FRMD4B: variants seen among roughly 807,000 people sequenced by gnomAD.
FRMD4B encodes FERM domain-containing protein 4B.
A neutral mutation model predicts 141.5 loss-of-function variants in FRMD4B; 74 were observed. That is an observed-to-expected ratio of 0.52 (90% CI 0.43 to 0.63). The LOEUF is 0.63. FRMD4B is among the 30% of genes least tolerant of loss of function. FRMD4B has a pLI of 0.00. For missense variants in FRMD4B, 1,366 were observed against 1,253.4 expected (o/e 1.09, Z -1.36); for synonymous variants, 506 against 467.9 (o/e 1.08, Z -1.05).
intron 4 of FRMD4B, among the ~76,000 whole-genome samples, chr3:69,294,746 G>A (rs1285978545): frequency 3.9e-5 from 6 of 152,290 alleles, no homozygotes; most frequent in Admixed American, 3.3e-4. Flanking sequence ...GAAGTGTCAG[G>A]GGCATGTGAA....
chr3:69,505,555 AG>A (rs1706582160), intron 1 of FRMD4B, among the ~76,000 whole-genome samples: 1 of 152,224 alleles, frequency 6.6e-6, no homozygotes, highest in African/African-American at 2.4e-5. Flanking sequence ...CCTTGTAAGT[AG>A]GTGTTTCTAC....
At chr3:69,350,765 A>G (rs1002299343) in intron 1 of FRMD4B, among the ~76,000 whole-genome samples, 7 of 143,100 alleles carry the variant, frequency 4.9e-5, no homozygotes, top group African/African-American at 1.8e-4. Flanking sequence ...ACAGGTGGGA[A>G]TTGAACAATG....
chr3:69,539,455 T>G (rs149961570), intron 1 of FRMD4B, among the ~76,000 whole-genome samples: 1 of 152,336 alleles, frequency 6.6e-6, no homozygotes, highest in African/African-American at 2.4e-5. Flanking sequence ...ATCTGCCTGT[T>G]TGAAAAGCCC....
intron 2 of FRMD4B, among the ~76,000 whole-genome samples, chr3:69,408,836 A>T (rs565884063): frequency 6.6e-6 from 1 of 152,242 alleles, no homozygotes; most frequent in South Asian, 2.1e-4. Flanking sequence ...CTCACTCCCA[A>T]GTTGCACCTG....
intron 3 of FRMD4B, among the ~76,000 whole-genome samples, chr3:69,307,838 A>G (rs773028644): frequency 6.6e-6 from 1 of 152,016 alleles, no homozygotes; most frequent in African/African-American, 2.4e-5. Flanking sequence ...CCTCCTCCCT[A>G]TAACATCCTT....
At chr3:69,199,063 G>A (rs986552717) in intron 11 of FRMD4B, 8 of 296,970 alleles carry the variant, frequency 2.7e-5, no homozygotes, top group Non-Finnish European at 4.5e-5. Context: ...GAGGTCAGGA[G>A]ATCGAGACCA....
intron 18 of FRMD4B, among the ~76,000 whole-genome samples, chr3:69,188,518 G>A (rs569738665): frequency 4.3e-4 from 66 of 152,122 alleles, no homozygotes; most frequent in African/African-American, 1.6e-3. Flanking sequence ...AGCACTTTGG[G>A]AGGCCGAGGC....
intron 1 of FRMD4B, among the ~76,000 whole-genome samples, chr3:69,437,022 A>G (rs1705270733): frequency 6.6e-6 from 1 of 152,180 alleles, no homozygotes; most frequent in Admixed American, 6.5e-5. Context: ...ATAGAGTTTC[A>G]GTTCAGGATG....
intron 1 of FRMD4B, among the ~76,000 whole-genome samples, chr3:69,379,523 C>T (rs1704060421): frequency 6.6e-6 from 1 of 152,232 alleles, no homozygotes; most frequent in Non-Finnish European, 1.5e-5. Flanking sequence ...AAGTGACCTG[C>T]CCGCCTTGGC....
chr3:69,493,224 G>A (rs890087393), intron 1 of FRMD4B, among the ~76,000 whole-genome samples: 6 of 152,226 alleles, frequency 3.9e-5, no homozygotes, highest in Non-Finnish European at 8.8e-5. Flanking sequence ...ATCAAATTAA[G>A]AGGGGAGAGT....
chr3:69,239,953 T>A (rs1268511508), intron 7 of FRMD4B, among the ~76,000 whole-genome samples: 1 of 151,896 alleles, frequency 6.6e-6, no homozygotes, highest in Non-Finnish European at 1.5e-5. Context: ...TTCAGGAGGC[T>A]GAGGCAGGAG....
At chr3:69,311,818 T>A (rs1281479215) in intron 2 of FRMD4B, among the ~76,000 whole-genome samples, 2 of 151,768 alleles carry the variant, frequency 1.3e-5, no homozygotes, top group East Asian at 1.9e-4. Flanking sequence ...GATGAAAATA[T>A]TAATAATAAT....
At chr3:69,306,000 C>G (rs1309174268) in intron 3 of FRMD4B, among the ~76,000 whole-genome samples, 3 of 152,086 alleles carry the variant, frequency 2.0e-5, no homozygotes, top group African/African-American at 7.2e-5. Context: ...GGAAAGTAAT[C>G]AAAAGGGACT....
intron 1 of FRMD4B, among the ~76,000 whole-genome samples, chr3:69,455,583 GAA>G (rs1705588451): frequency 1.3e-5 from 2 of 152,250 alleles, no homozygotes; most frequent in South Asian, 4.2e-4. Flanking sequence ...ACATCAGAAG[GAA>G]CAAACCCTGG....
rs577537417 is a variant in FRMD4B at position 69,303,075 on chromosome 3, C to G, written c.324-640G>C. Among the ~76,000 whole-genome samples, 215 of 133,084 alleles carry G rather than the reference C, an allele frequency of 1.6e-3. 2 individuals carry two copies. The highest frequency in any genetic ancestry group is 3.1e-3 in the Non-Finnish European group (181 of 57,520). 87.3% of individuals were successfully genotyped at this position (133,084 alleles called of 152,430 possible). A position where few individuals can be genotyped will look rare whatever the true frequency, so the allele number is the denominator to read the frequency against. ...GGCAACATCCCCTGTTAGAGTGAAA[C>G]TCTGTCTAAAAAATAAACAAACAAA... On this transcript the variant is annotated intron_variant, in intron 3 of 22. Transcript: ENST00000398540.
chr3:69,412,813 C>T (rs11920394), intron 2 of FRMD4B, among the ~76,000 whole-genome samples: 4,751 of 144,152 alleles, frequency 0.033, 220 homozygotes, highest in African/African-American at 0.1. Flanking sequence ...CAGAGGAGAC[C>T]TAAGAGAATT....
At chr3:69,209,831 C>T (rs1292349023) in intron 11 of FRMD4B, among the ~76,000 whole-genome samples, 1 of 152,184 alleles carries the variant, frequency 6.6e-6, no homozygotes, top group African/African-American at 2.4e-5. Flanking sequence ...GTTCTCTTCT[C>T]CTACAGTTAA....
At chr3:69,473,790 C>G (rs181953250) in intron 1 of FRMD4B, among the ~76,000 whole-genome samples, 5 of 152,078 alleles carry the variant, frequency 3.3e-5, no homozygotes, top group Non-Finnish European at 5.9e-5. Flanking sequence ...TAGCTTTGGG[C>G]AAGGGGTTGA....
chr3:69,265,401 C>G (rs1432357507), intron 5 of FRMD4B, among the ~76,000 whole-genome samples: 8 of 142,266 alleles, frequency 5.6e-5, no homozygotes, highest in African/African-American at 1.8e-4. Flanking sequence ...GTGCAATGCA[C>G]TTTTATTTTT....
Sources: allele counts gnomAD v4.1 joint callset (sites outside exome capture counted in the v4.1 genomes callset), GRCh38; gene constraint gnomAD v4.1.1; transcripts MANE v1.5; gene names NCBI Gene and HGNC (gene_info 2026-07-23, HGNC 2026-07-21).